Variants in AAK1 observed in about 807,000 individuals in gnomAD.
The protein encoded by AAK1 is AP2-associated protein kinase 1.
Under a neutral mutation model 116.0 loss-of-function variants are expected in AAK1, and 37 were observed. That is an observed-to-expected ratio of 0.32 (90% confidence interval 0.25 to 0.42). AAK1 has a LOEUF of 0.42. AAK1 is among the 10% of genes least tolerant of loss of function. AAK1 has a pLI of 1.00. For synonymous variants in AAK1, 458 were observed against 439.9 expected (o/e 1.04, Z -0.51); for missense variants, 919 against 1,170.6 (o/e 0.79, Z 3.14).
intron 5 of AAK1, among the ~76,000 whole-genome samples, chr2:69,532,855 G>A (rs1295581371): frequency 6.6e-6 from 1 of 152,076 alleles, no homozygotes; most frequent in Non-Finnish European, 1.5e-5. Context: ...GAATTCTTTG[G>A]GCAGTGAGTT....
chr2:69,476,435 T>C (rs1273660743), intron 21 of AAK1, among the ~76,000 whole-genome samples: 2 of 152,218 alleles, frequency 1.3e-5, no homozygotes, highest in African/African-American at 4.8e-5. Flanking sequence ...TTTTATGGCA[T>C]GTTCACATGA....
In AAK1 at chr2:69,466,780, G is replaced by C. The variant is rs1674500807; in HGVS notation, c.*9089C>G. On this transcript the variant is annotated 3_prime_UTR_variant, in exon 22 of 22. Transcript: ENST00000409085. ...ATGATAGGCACGACGTACAGGAAAGGAGATGAAGATGTTAGGCACACAGAC... is the reference window on the plus strand; with the variant it reads ...ATGATAGGCACGACGTACAGGAAAGCAGATGAAGATGTTAGGCACACAGAC... 5 of 985,274 alleles carry C rather than the reference G, an allele frequency of 5.1e-6. No homozygotes were observed. Among genetic ancestry groups the C allele is most frequent in the Admixed American group, 1.2e-4 (2 of 16,260 alleles). The allele number at this position is 985,274 out of a possible 1,614,324, so 61.0% of individuals were successfully genotyped here. A position where few individuals can be genotyped will look rare whatever the true frequency, so the allele number is the denominator to read the frequency against.
chr2:69,568,384 T>C (rs191245268), intron 2 of AAK1, among the ~76,000 whole-genome samples: 1 of 152,140 alleles, frequency 6.6e-6, no homozygotes, highest in East Asian at 1.9e-4. Context: ...AGCCAGGTTA[T>C]GGAATACGCA....
intron 5 of AAK1, among the ~76,000 whole-genome samples, chr2:69,534,121 A>G (rs1242104561): frequency 6.6e-6 from 1 of 152,194 alleles, no homozygotes; most frequent in Non-Finnish European, 1.5e-5. Flanking sequence ...TGTACTCAGC[A>G]TTTTACATGG....
At chr2:69,542,453 T>C (rs1472496509) in intron 5 of AAK1, 70 bp downstream of exon 5, 25 of 1,571,860 alleles carry the variant, frequency 1.6e-5, no homozygotes, top group Non-Finnish European at 2.1e-5. Context: ...CCCCACAGTA[T>C]CTACTCCATC....
At chr2:69,631,577 C>T (rs1156476771) in intron 2 of AAK1, among the ~76,000 whole-genome samples, 1 of 152,252 alleles carries the variant, frequency 6.6e-6, no homozygotes, top group Non-Finnish European at 1.5e-5. Flanking sequence ...GATTCACCCA[C>T]AGCAGACCTC....
intron 14 of AAK1, 55 bp downstream of exon 14, chr2:69,509,176 C>A (rs1285900479): frequency 6.7e-7 from 1 of 1,489,876 alleles, no homozygotes; most frequent in African/African-American, 1.4e-5. Flanking sequence ...CACTAACAGC[C>A]GCAGGCAGAC....
At chr2:69,477,029 A>G in intron 20 of AAK1, 39 bp from the exon 21 acceptor site, 1 of 1,409,268 alleles carries the variant, frequency 7.1e-7, no homozygotes, top group Non-Finnish European at 9.9e-7. Flanking sequence ...GAAACAACAG[A>G]GGCAGAGATT....
intron 8 of AAK1, among the ~76,000 whole-genome samples, chr2:69,527,692 T>C (rs562171439): frequency 6.6e-6 from 1 of 152,220 alleles, no homozygotes; most frequent in African/African-American, 2.4e-5. Flanking sequence ...AAACGAATGA[T>C]TATTCTTAAT....
At chr2:69,506,539 A>T (rs1021243977) in intron 15 of AAK1, among the ~76,000 whole-genome samples, 6 of 152,062 alleles carry the variant, frequency 3.9e-5, no homozygotes, top group African/African-American at 7.2e-5. Context: ...AATTTTTAAA[A>T]TTTTTTGTAG....
chr2:69,622,078 T>C (rs1274760792), intron 2 of AAK1, among the ~76,000 whole-genome samples: 1 of 152,110 alleles, frequency 6.6e-6, no homozygotes, highest in East Asian at 1.9e-4. Context: ...CAGGGAGGTG[T>C]GGAGGGAGAG....
At chr2:69,502,378 T>C (rs1320903419) in intron 16 of AAK1, among the ~76,000 whole-genome samples, 1 of 151,340 alleles carries the variant, frequency 6.6e-6, no homozygotes, top group Non-Finnish European at 1.5e-5. Context: ...TCCCAGCACT[T>C]TGGGAGGCTG....
intron 16 of AAK1, among the ~76,000 whole-genome samples, chr2:69,504,702 G>A (rs913212764): frequency 6.6e-6 from 1 of 152,060 alleles, no homozygotes; most frequent in African/African-American, 2.4e-5. Flanking sequence ...AGGAGGCGGC[G>A]GTTGCAGTGA....
intron 6 of AAK1, chr2:69,531,565 A>G: frequency 1.0e-6 from 1 of 984,772 alleles, no homozygotes; most frequent in East Asian, 1.1e-4. Flanking sequence ...AAAGTCTGTG[A>G]TTCAGTATCT....
Position 69,459,457 on chromosome 2 carries a change from T to C in AAK1, c.*16412A>G, listed in dbSNP as rs887175508. The stretch of plus-strand genomic sequence containing the variant: ...TTTTGTATTTTTTGTAGAGACAAGG[T>C]TTTGCCATGTTGCCCAGGTTGGTCT... On this transcript the variant is annotated 3_prime_UTR_variant, in exon 22 of 22. Coordinates refer to ENST00000409085, the MANE Select transcript of AAK1 (RefSeq NM_014911.5). The C allele has an allele frequency of 2.0e-5, 3 of 152,212 alleles. No homozygotes were observed. The highest frequency in any genetic ancestry group is 2.9e-5 in the Non-Finnish European group (2 of 68,194). 9.4% of individuals were successfully genotyped at this position (152,212 alleles called of 1,614,324 possible).
At chr2:69,545,049 C>A (rs1005947949) in intron 3 of AAK1, among the ~76,000 whole-genome samples, 1 of 151,142 alleles carries the variant, frequency 6.6e-6, no homozygotes, top group African/African-American at 2.4e-5. Flanking sequence ...AAGCTATTTA[C>A]AAAGTCTTGA....
rs776796801 is a variant in AAK1 at position 69,518,987 on chromosome 2, C to T, written c.1464G>A (p.Thr488=). 38 of 1,549,316 alleles carry T rather than the reference C, an allele frequency of 2.5e-5. No individual in the cohort carries two copies. The highest frequency in any genetic ancestry group is 3.1e-5 in the Non-Finnish European group (35 of 1,146,606). Residue 488 remains threonine (T), a synonymous_variant, in exon 12 of 22, where the codon ACG becomes ACA. Coordinates refer to ENST00000409085, the MANE Select transcript of AAK1 (RefSeq NM_014911.5). ...TCTGGGCCTGCTGCTGCTGGTAAAA[C>T]GTGCCTGCCGGCTGCTGCTGTGCTG... ...PPPAQQQPAG[T]FYQQQQAQTQ...
Position 69,640,566 on chromosome 2 carries a change from T to A in AAK1, c.163+2312A>T, listed in dbSNP as rs1009115752. Among the ~76,000 whole-genome samples the A allele has an allele frequency of 3.3e-5, 5 of 152,298 alleles. No homozygotes were observed. The South Asian group carries it at 1.0e-3, about 32-fold the overall frequency. ...TCAATCACACTATAGACCTCCCTCA[T>A]CCATCTCAGAACTTCATAGGGTCTT... On this transcript the variant is annotated intron_variant, in intron 2 of 21. Transcript: ENST00000409085.
In AAK1 at chr2:69,466,167, T is replaced by A. The variant is rs1416229253; in HGVS notation, c.*9702A>T. On this transcript the variant is annotated 3_prime_UTR_variant, in exon 22 of 22. Transcript: ENST00000409085. ...ATCAGTGGCTGGCTGTGTGAAGGCT[T>A]GAAACTGGTTCTTTCTTCCACCTTG... 1 of 1,289,992 alleles carries A rather than the reference T, an allele frequency of 7.8e-7. No individual in the cohort carries two copies. Among genetic ancestry groups the A allele is most frequent in the Non-Finnish European group, 1.0e-6 (1 of 988,880 alleles). The allele number at this position is 1,289,992 out of a possible 1,614,324, so 79.9% of individuals were successfully genotyped here. A position where few individuals can be genotyped will look rare whatever the true frequency, so the allele number is the denominator to read the frequency against.
Sources: gnomAD v4.1 joint callset for allele counts (sites outside exome capture counted in the v4.1 genomes callset) on GRCh38, gnomAD v4.1.1 for gene constraint, MANE v1.5 for transcripts, NCBI Gene and HGNC (gene_info 2026-07-23, HGNC 2026-07-21) for gene names.